The following CATSPERE variants were observed in gnomAD, a reference collection of about 807,000 sequenced individuals.
CATSPERE encodes cation channel sperm-associated auxiliary subunit epsilon.
Under a neutral mutation model 114.1 loss-of-function variants are expected in CATSPERE, and 93 were observed. The observed-to-expected ratio is 0.81, with a 90% CI of 0.69 to 0.97. The LOEUF (loss-of-function observed/expected upper bound fraction) is 0.97, where lower values mean the gene tolerates loss of function less well. Among genes scored for constraint, CATSPERE ranks in the 50% least tolerant of loss-of-function variants. The pLI is 0.00. For synonymous variants in CATSPERE, 341 were observed against 384.1 expected (o/e 0.89, Z 1.31); for missense variants, 1,058 against 1,131.6 (o/e 0.93, Z 0.93).
intron 8 of CATSPERE, among the ~76,000 whole-genome samples, chr1:244,541,232 G>T (rs996016764): frequency 3.3e-5 from 5 of 150,758 alleles, no homozygotes; most frequent in East Asian, 1.9e-4. Flanking sequence ...CTACAAAATG[G>T]GAGAAAATTT....
upstream of CATSPERE, among the ~76,000 whole-genome samples, chr1:244,457,187 G>A (rs1054529356): frequency 1.3e-5 from 2 of 152,174 alleles, no homozygotes; most frequent in Non-Finnish European, 2.9e-5. Flanking sequence ...CATTAAAATC[G>A]TACTGATGTG....
chr1:244,585,652 C>T (rs1050360231), intron 13 of CATSPERE, among the ~76,000 whole-genome samples: 1 of 152,198 alleles, frequency 6.6e-6, no homozygotes, highest in East Asian at 1.9e-4. Flanking sequence ...TCTGTGTAGA[C>T]ACAGAACCAT....
At chr1:244,582,093 CA>C (rs1408764721) in intron 12 of CATSPERE, among the ~76,000 whole-genome samples, 2 of 151,786 alleles carry the variant, frequency 1.3e-5, no homozygotes, top group African/African-American at 2.4e-5. Context: ...AATGAAGATG[CA>C]AAAAAAGGGC....
intron 6 of CATSPERE, 79 bp downstream of exon 6, chr1:244,490,550 G>C (rs377603839): frequency 7.7e-6 from 7 of 903,250 alleles, no homozygotes; most frequent in Admixed American, 2.4e-5. Context: ...ATATTTACCA[G>C]ATGAGGAATT....
chr1:244,553,618 C>CACACACACACACACACACATATATACAT (rs1558484877), intron 9 of CATSPERE, among the ~76,000 whole-genome samples: 25 of 133,464 alleles, frequency 1.9e-4, no homozygotes, highest in African/African-American at 8.2e-4. Context: ...CACACACACA[C>CACACACACACACACACACATATATACAT]ACACACACAC....
In CATSPERE at chr1:244,617,801, G is replaced by C. The variant is rs192424360; in HGVS notation, c.2648+115G>C. ...TGTTATTCTTGTTATTTACATATTT[G>C]CTTTTTCATTTTGTAGCAATCACAT... On this transcript the variant is annotated intron_variant, in intron 20 of 21. Transcript: ENST00000366534. 1.1e-4 allele frequency: 101 copies of C among 949,008 alleles called. 1 individual carries two copies. The highest frequency in any genetic ancestry group is 3.2e-4 in the Middle Eastern group (1 of 3,092). The allele number at this position is 949,008 out of a possible 1,614,324, so 58.8% of individuals were successfully genotyped here.
intron 7 of CATSPERE, among the ~76,000 whole-genome samples, chr1:244,513,434 G>A (rs994959548): frequency 6.6e-6 from 1 of 152,132 alleles, no homozygotes; most frequent in Admixed American, 6.5e-5. Context: ...CCCCTGGAGG[G>A]TATATGTGAG....
At chr1:244,584,035 A>C (rs989126542) in intron 13 of CATSPERE, 96 bp downstream of exon 13, 12 of 869,564 alleles carry the variant, frequency 1.4e-5, no homozygotes, top group Non-Finnish European at 2.0e-5. Context: ...CAATACCTCC[A>C]TGCAATACCT....
At chr1:244,452,465 G>A (rs924205411), upstream of CATSPERE, among the ~76,000 whole-genome samples, 6 of 152,238 alleles carry the variant, frequency 3.9e-5, no homozygotes, top group Admixed American at 1.3e-4. Flanking sequence ...GGAAGTAACA[G>A]AGATGGGGAC....
At chr1:244,548,158 CAGA>C (rs1660055194) in intron 8 of CATSPERE, among the ~76,000 whole-genome samples, 1 of 152,330 alleles carries the variant, frequency 6.6e-6, no homozygotes, top group Admixed American at 6.5e-5. Flanking sequence ...GTGATGTCAG[CAGA>C]AGAAGATTTA....
Position 244,461,396 on chromosome 1 carries a change from GC to G in CATSPERE, c.-32del. 1 of 1,346,644 alleles carries G rather than the reference GC, an allele frequency of 7.4e-7. No homozygotes were observed. The highest frequency in any genetic ancestry group is 1.5e-5 in the African/African-American group (1 of 65,938). The allele number at this position is 1,346,644 out of a possible 1,614,324, so 83.4% of individuals were successfully genotyped here. On this transcript the variant is annotated 5_prime_UTR_variant, in exon 1 of 22. Coordinates refer to ENST00000366534, the MANE Select transcript of CATSPERE (RefSeq NM_001130957.2). ...AATGCGCGAGGCCTGGACGGGAGTGGCCGAGGCGGTTGGGCGGAGGCGGAGC... is the reference window on the plus strand; with the variant it reads ...AATGCGCGAGGCCTGGACGGGAGTGGCGAGGCGGTTGGGCGGAGGCGGAGC...
chr1:244,533,832 C>A (rs987687427), intron 8 of CATSPERE, among the ~76,000 whole-genome samples: 2 of 152,054 alleles, frequency 1.3e-5, no homozygotes, highest in Non-Finnish European at 2.9e-5. Context: ...CTATGTTTTT[C>A]TGTGTACTTA....
In CATSPERE at chr1:244,575,622, A is replaced by G. The variant is rs750391374; in HGVS notation, c.1950+2850A>G. 1.3e-5 allele frequency among the ~76,000 whole-genome samples: 2 copies of G among 152,048 alleles called. No individual in the cohort carries two copies. Among genetic ancestry groups the G allele is most frequent in the Non-Finnish European group, 2.9e-5 (2 of 67,990 alleles). ...TTCCAGGTGCTAGTAATCTACAACAATGTGGAGCTGCGCTTGCTGCTGTTG... is the reference window on the plus strand; with the variant it reads ...TTCCAGGTGCTAGTAATCTACAACAGTGTGGAGCTGCGCTTGCTGCTGTTG... On this transcript the variant is annotated intron_variant, in intron 11 of 21. Transcript: ENST00000366534. The surrounding 1 kb of genome is among the most constrained non-coding windows in gnomAD (Gnocchi z 4.5).
At chr1:244,551,069 G>A (rs1056917576) in intron 8 of CATSPERE, among the ~76,000 whole-genome samples, 1 of 152,172 alleles carries the variant, frequency 6.6e-6, no homozygotes, top group Non-Finnish European at 1.5e-5. Context: ...TCTATCACCT[G>A]ACTTTCTCAT....
chr1:244,531,862 TTCCCACC>T (rs1316466407), intron 8 of CATSPERE, among the ~76,000 whole-genome samples: 2 of 152,234 alleles, frequency 1.3e-5, no homozygotes, highest in Non-Finnish European at 2.9e-5. Flanking sequence ...TTTCAAAGTA[TTCCCACC>T]TCTTCTATTT....
At chr1:244,506,543 CCTCA>C (rs1338347689) in intron 7 of CATSPERE, among the ~76,000 whole-genome samples, 1 of 152,198 alleles carries the variant, frequency 6.6e-6, no homozygotes, top group Non-Finnish European at 1.5e-5. Context: ...TCCTCTACAG[CCTCA>C]CTAACACTTG....
At position 244,560,782 on chromosome 1, in the gene CATSPERE, A is replaced by G. The variant is rs1332388629; in HGVS notation, c.1144A>G (p.Ser382Gly). The G allele has an allele frequency of 6.2e-7, 1 of 1,613,826 alleles. No individual in the cohort carries two copies. Among genetic ancestry groups the G allele is most frequent in the Non-Finnish European group, 8.5e-7 (1 of 1,179,898 alleles). Residue 382 changes from serine to glycine, a missense_variant, in exon 10 of 22, where the codon AGT (serine) becomes GGT (glycine). By Grantham distance (56) the Ser-to-Gly change is moderately conservative. Coordinates refer to ENST00000366534, the MANE Select transcript of CATSPERE (RefSeq NM_001130957.2). ...TACCACAGAACTGAAAAACATCCTA[A>G]GTCTATCGGTGACTGCTACTCTGAC... is the stretch of plus-strand genomic sequence containing the variant. ...VTTTELKNIL[S>G]LSVTATLTID... is the part of the protein sequence containing the mutation.
intron 6 of CATSPERE, among the ~76,000 whole-genome samples, chr1:244,497,806 T>C (rs1232702747): frequency 6.6e-6 from 1 of 151,888 alleles, no homozygotes; most frequent in Admixed American, 6.6e-5. Flanking sequence ...CAAATAAAAA[T>C]AAATAAAAAT....
At chr1:244,580,687 CTG>C in intron 11 of CATSPERE, among the ~76,000 whole-genome samples, 1 of 152,056 alleles carries the variant, frequency 6.6e-6, no homozygotes, top group Non-Finnish European at 1.5e-5. Context: ...AAACATTAGT[CTG>C]ACTTTTGTGG....
Sources: gnomAD v4.1 joint callset for allele counts (sites outside exome capture counted in the v4.1 genomes callset) on GRCh38, gnomAD v4.1.1 for gene constraint, Gnocchi (gnomAD v3.1) non-coding constraint, MANE v1.5 for transcripts, NCBI Gene and HGNC (gene_info 2026-07-23, HGNC 2026-07-21) for gene names.